The following PKHD1 variants were observed in gnomAD, a reference collection of about 807,000 sequenced individuals.
The protein encoded by PKHD1 is PKHD1 ciliary IPT domain containing fibrocystin/polyductin, also known as fibrocystin.
PKHD1 carries 291 observed loss-of-function variants against 412.0 expected under a neutral mutation model. That is an observed-to-expected ratio of 0.71 (90% CI 0.64 to 0.78). The LOEUF is 0.78. Among genes scored for constraint, PKHD1 ranks in the 30% least tolerant of loss-of-function variants. PKHD1 has a pLI of 0.00. For synonymous variants in PKHD1, 1,777 were observed against 1,821.5 expected (o/e 0.98, Z 0.62); for missense variants, 4,825 against 4,950.7 (o/e 0.97, Z 0.76).
chr6:51,810,017 G>C (rs764860805), intron 52 of PKHD1, among the ~76,000 whole-genome samples: 1 of 151,536 alleles, frequency 6.6e-6, no homozygotes, highest in African/African-American at 2.4e-5. Context: ...TTTTATTCTC[G>C]ACACTAACAG....
At chr6:51,921,987 G>C (rs527755754) in intron 37 of PKHD1, among the ~76,000 whole-genome samples, 12 of 152,182 alleles carry the variant, frequency 7.9e-5, no homozygotes, top group South Asian at 2.1e-4. Flanking sequence ...AAGGAGCTGC[G>C]ATCTTTTGGA....
At chr6:51,871,789 G>C (rs529606660) in intron 46 of PKHD1, among the ~76,000 whole-genome samples, 1 of 118,878 alleles carries the variant, frequency 8.4e-6, no homozygotes, top group East Asian at 1.9e-4. Flanking sequence ...GTGCCTCACT[G>C]TTCCATTGTT....
intron 65 of PKHD1, among the ~76,000 whole-genome samples, chr6:51,630,413 A>T (rs936424751): frequency 1.3e-5 from 2 of 151,974 alleles, no homozygotes; most frequent in African/African-American, 4.8e-5. Flanking sequence ...AGAATGCCAC[A>T]CTCTTTTCAC....
Position 52,058,340 on chromosome 6 carries a change from T to C in PKHD1, c.1495A>G (p.Arg499Gly). The change falls in exon 16 of 67, where the codon AGG (arginine) becomes GGG (glycine). Residue 499 changes from arginine to glycine, a missense_variant. Coordinates refer to ENST00000371117, the MANE Select transcript of PKHD1 (RefSeq NM_138694.4). ...ACACAGACCTGTACTTCTGGAAGCCTCTGGGCTCGGACTCGGATCTGGTGC... is the reference window on the plus strand; with the variant it reads ...ACACAGACCTGTACTTCTGGAAGCCCCTGGGCTCGGACTCGGATCTGGTGC... ...EKHQIRVRAQ[R>G]LPEVQVLNVS... 6.2e-7 allele frequency: 1 copy of C among 1,614,202 alleles called. No homozygotes were observed. The highest frequency in any genetic ancestry group is 8.5e-7 in the Non-Finnish European group (1 of 1,180,014).
intron 35 of PKHD1, among the ~76,000 whole-genome samples, chr6:51,969,605 T>C (rs538426307): frequency 3.3e-5 from 5 of 152,310 alleles, no homozygotes; most frequent in Admixed American, 1.3e-4. Flanking sequence ...ACTATATCCA[T>C]GTGTACACAT....
chr6:52,049,305 T>C (rs1806381067), intron 22 of PKHD1, among the ~76,000 whole-genome samples: 1 of 152,202 alleles, frequency 6.6e-6, no homozygotes. Flanking sequence ...TATTTGTGTA[T>C]CCAAACATAT....
chr6:51,821,373 C>T (rs1484268928), intron 52 of PKHD1, among the ~76,000 whole-genome samples: 2 of 152,116 alleles, frequency 1.3e-5, no homozygotes, highest in East Asian at 1.9e-4. Flanking sequence ...CAGGAAACAC[C>T]CTCAGTCCTG....
chr6:52,027,189 C>T (rs1167821028), intron 31 of PKHD1, among the ~76,000 whole-genome samples: 1 of 152,174 alleles, frequency 6.6e-6, no homozygotes, highest in Non-Finnish European at 1.5e-5. Flanking sequence ...CTCATATCCA[C>T]TCTAGAGTGT....
intron 1 of PKHD1, 35 bp from the exon 2 acceptor site, chr6:52,085,052 C>T: frequency 1.3e-6 from 1 of 787,490 alleles, no homozygotes. Context: ...AAAAAATTAT[C>T]ATTTTGTTTA....
intron 60 of PKHD1, among the ~76,000 whole-genome samples, chr6:51,690,271 CAAAAAAA>C (rs70977310): frequency 1.8e-5 from 2 of 109,920 alleles, no homozygotes; most frequent in Non-Finnish European, 3.7e-5. Flanking sequence ...GACTCCATCT[CAAAAAAA>C]AAAAAAAAAA....
intron 35 of PKHD1, among the ~76,000 whole-genome samples, chr6:52,007,179 T>G (rs1279247209): frequency 6.6e-6 from 1 of 152,248 alleles, no homozygotes; most frequent in African/African-American, 2.4e-5. Context: ...TTTTGTATAA[T>G]AACTTCTTTT....
chr6:52,030,438 CCG>C, intron 29 of PKHD1, among the ~76,000 whole-genome samples: 1 of 152,324 alleles, frequency 6.6e-6, no homozygotes, highest in Non-Finnish European at 1.5e-5. Flanking sequence ...ATTCTCTTGA[CCG>C]CATGTCTTCC....
chr6:51,941,047 T>C (rs1788425601), intron 36 of PKHD1, among the ~76,000 whole-genome samples: 1 of 150,748 alleles, frequency 6.6e-6, no homozygotes, highest in East Asian at 1.9e-4. Context: ...CGCATCCTCC[T>C]CTTGTATCCC....
intron 64 of PKHD1, among the ~76,000 whole-genome samples, chr6:51,638,425 A>ACAT (rs1768870920): frequency 6.6e-6 from 1 of 152,114 alleles, no homozygotes; most frequent in Non-Finnish European, 1.5e-5. Context: ...CTTATTCTGA[A>ACAT]GTGCCAGGAT....
intron 27 of PKHD1, among the ~76,000 whole-genome samples, chr6:52,037,019 A>G (rs1804064255): frequency 6.6e-6 from 1 of 152,198 alleles, no homozygotes; most frequent in Non-Finnish European, 1.5e-5. Context: ...GTCTTCTGCC[A>G]TATCTTATAC....
chr6:52,070,062 G>T (rs959333311), intron 10 of PKHD1, among the ~76,000 whole-genome samples: 2 of 152,022 alleles, frequency 1.3e-5, no homozygotes, highest in African/African-American at 4.8e-5. Context: ...TTTCAAGAAG[G>T]CACTTCCTAG....
intron 31 of PKHD1, among the ~76,000 whole-genome samples, chr6:52,026,938 T>C (rs553547735): frequency 6.6e-6 from 1 of 152,232 alleles, no homozygotes; most frequent in African/African-American, 2.4e-5. Context: ...TGTGCTATCT[T>C]ACACATGATC....
At chr6:51,672,239 C>A (rs1427212153) in intron 60 of PKHD1, among the ~76,000 whole-genome samples, 2 of 152,030 alleles carry the variant, frequency 1.3e-5, no homozygotes, top group East Asian at 1.9e-4. Context: ...GATTAGGAAC[C>A]ATACAAATCA....
chr6:51,776,896 G>A (rs1171949996), intron 53 of PKHD1, among the ~76,000 whole-genome samples: 1 of 152,090 alleles, frequency 6.6e-6, no homozygotes, highest in Non-Finnish European at 1.5e-5. Flanking sequence ...TCTATGGTAT[G>A]AGAATTGTTC....
Sources: gnomAD v4.1 joint callset for allele counts (sites outside exome capture counted in the v4.1 genomes callset) on GRCh38, gnomAD v4.1.1 for gene constraint, MANE v1.5 for transcripts, NCBI Gene and HGNC (gene_info 2026-07-23, HGNC 2026-07-21) for gene names.